The following EVX2 variants were observed in gnomAD, a reference collection of about 807,000 sequenced individuals.
The protein encoded by EVX2 is even-skipped homeobox 2.
Under a neutral mutation model 19.2 loss-of-function variants are expected in EVX2, and 10 were observed. The ratio of observed to expected loss-of-function variants is 0.52; its 90% confidence interval spans 0.32 to 0.89. The LOEUF (loss-of-function observed/expected upper bound fraction) is 0.89. EVX2 is among the 40% of genes least tolerant of loss of function. The pLI is 0.03. For missense variants in EVX2, 710 were observed against 694.9 expected, an observed-to-expected ratio of 1.02 and a Z score of -0.24; for synonymous variants, 354 against 328.4, an observed-to-expected ratio of 1.08 and a Z score of -0.84.
At position 176,082,814 on chromosome 2, in the gene EVX2, T is replaced by A. The variant is rs1274369496; in HGVS notation, c.428-365A>T. 2.0e-5 allele frequency among the ~76,000 whole-genome samples: 3 copies of A among 152,182 alleles called. No homozygotes were observed. Among genetic ancestry groups the A allele is most frequent in the African/African-American group, 7.2e-5 (3 of 41,452 alleles). On this transcript the variant is annotated intron_variant, in intron 1 of 2. Coordinates refer to ENST00000308618, the MANE Select transcript of EVX2 (RefSeq NM_001080458.2). This position sits in a 1 kb window ranked among gnomAD's most constrained non-coding sequence, Gnocchi z 5.2. The stretch of plus-strand genomic sequence containing the variant: ...ACGGCCTCTAACCTTTATCTGAGTC[T>A]TCGGGGTTTCAAATATTTTAAGAGT...
chr2:176,080,031 G>C lies in EVX2; in HGVS notation c.*76C>G, dbSNP rs1689106007. Reference sequence around the variant, plus strand: ...GCGGCAGCAGCGGGCAACGCGCGGAGGGCTCAGGGGGCGCACAGGGGACTC... The same window carrying C: ...GCGGCAGCAGCGGGCAACGCGCGGACGGCTCAGGGGGCGCACAGGGGACTC... On this transcript the variant is annotated 3_prime_UTR_variant, in exon 3 of 3. Coordinates refer to ENST00000308618, the MANE Select transcript of EVX2 (RefSeq NM_001080458.2). The surrounding 1 kb of genome is among the most constrained non-coding windows in gnomAD (Gnocchi z 7.0). The C allele has an allele frequency of 3.0e-6, 4 of 1,343,598 alleles. No homozygotes were observed. The East Asian group carries it at 1.2e-4, about 39-fold the overall frequency. The allele number at this position is 1,343,598 out of a possible 1,614,324, so 83.2% of individuals were successfully genotyped here. A position where few individuals can be genotyped will look rare whatever the true frequency, so the allele number is the denominator to read the frequency against.
In EVX2 at chr2:176,082,249, C is replaced by G; in HGVS notation, c.628G>C (p.Glu210Gln). 1 of 1,603,858 alleles carries G rather than the reference C, an allele frequency of 6.2e-7. No individual in the cohort carries two copies. Among genetic ancestry groups the G allele is most frequent in the Non-Finnish European group, 8.5e-7 (1 of 1,179,086 alleles). ...IARLEKEFYR[E>Q]NYVSRPRRCE... ...CGGCGGGGCCGCGACACATAGTTCT[C>G]CCGGTAGAACTCCTTCTCCAGGCGC... is the stretch of plus-strand genomic sequence containing the variant. Residue 210 changes from glutamate (E) to glutamine (Q), a missense_variant, in exon 2 of 3, where the codon GAG becomes CAG. By Grantham distance (29) the Glu-to-Gln change is conservative (BLOSUM62 2). Coordinates refer to ENST00000308618, the MANE Select transcript of EVX2 (RefSeq NM_001080458.2). This position sits in a 1 kb window ranked among gnomAD's most constrained non-coding sequence, Gnocchi z 5.2.
At position 176,082,379 on chromosome 2, in the gene EVX2, A is replaced by T. The variant is rs779459946; in HGVS notation, c.498T>A (p.His166Gln). The T allele has an allele frequency of 2.2e-5, 35 of 1,603,548 alleles. No individual in the cohort carries two copies. The highest frequency in any genetic ancestry group is 2.6e-5 in the Non-Finnish European group (31 of 1,178,052). The change falls in exon 2 of 3, where the codon CAT (histidine) becomes CAA (glutamine). Residue 166 changes from histidine to glutamine, a missense_variant. Coordinates refer to ENST00000308618, the MANE Select transcript of EVX2 (RefSeq NM_001080458.2). The surrounding 1 kb of genome is among the most constrained non-coding windows in gnomAD (Gnocchi z 5.2). ...TCCCGCCGCTGCCTCCGCTGCCTCC[A>T]TGCAGGCTTCCGAGGCCTGAGCCCG... ...SASGSGLGSLHGGSGGSGGSA... is the reference protein window; with the variant it reads ...SASGSGLGSLQGGSGGSGGSA...
Position 176,082,224 on chromosome 2 carries a change from C to A in EVX2, c.653G>T (p.Arg218Leu). The A allele has an allele frequency of 6.3e-7, 1 of 1,599,408 alleles. No homozygotes were observed. The highest frequency in any genetic ancestry group is 8.5e-7 in the Non-Finnish European group (1 of 1,175,842). ...YRENYVSRPRRCELAAALNLP... is the reference protein window; with the variant it reads ...YRENYVSRPRLCELAAALNLP... ...GTTGAGTGCCGCGGCCAGCTCGCAC[C>A]GGCGGGGCCGCGACACATAGTTCTC... Residue 218 changes from arginine to leucine, a missense_variant, in exon 2 of 3, where the codon CGG (arginine) becomes CTG (leucine). By Grantham distance (102) the Arg-to-Leu change is moderately radical (BLOSUM62 -2). Transcript: ENST00000308618. This position sits in a 1 kb window ranked among gnomAD's most constrained non-coding sequence, Gnocchi z 5.2.
chr2:176,083,239 G>C lies in EVX2; in HGVS notation c.427+111C>G. 8.7e-7 allele frequency: 1 copy of C among 1,148,484 alleles called. No homozygotes were observed. The highest frequency in any genetic ancestry group is 1.2e-6 in the Non-Finnish European group (1 of 816,914). 71.1% of individuals were successfully genotyped at this position (1,148,484 alleles called of 1,614,324 possible). On this transcript the variant is annotated intron_variant, in intron 1 of 2. Coordinates refer to ENST00000308618, the MANE Select transcript of EVX2 (RefSeq NM_001080458.2). The surrounding 1 kb of genome is among the most constrained non-coding windows in gnomAD (Gnocchi z 4.4). ...CCCCCGCCCGTGCTAGCTCGGTGTA[G>C]CTTGCCTGTGGAGGGTCTGAGAGGG...
Position 176,083,773 on chromosome 2 carries a change from T to C in EVX2, c.4A>G (p.Met2Val). M[M>V]ERIRKEMILM... ...ATCATCTCTTTTCTTATTCTTTCCA[T>C]CATCTCAGCTTTCTTAAAAATGTCA... Residue 2 changes from methionine to valine, a missense_variant, in exon 1 of 3, where the codon ATG (methionine) becomes GTG (valine). By Grantham distance (21) the Met-to-Val change is conservative (BLOSUM62 1). Transcript: ENST00000308618. This position sits in a 1 kb window ranked among gnomAD's most constrained non-coding sequence, Gnocchi z 4.4. The C allele has an allele frequency of 6.2e-7, 1 of 1,607,594 alleles. No individual in the cohort carries two copies. Among genetic ancestry groups the C allele is most frequent in the Non-Finnish European group, 8.5e-7 (1 of 1,176,722 alleles).
Position 176,079,869 on chromosome 2 carries a change from C to G in EVX2, c.*238G>C, listed in dbSNP as rs1689103282. The stretch of plus-strand genomic sequence containing the variant: ...GGGAGCCAGAAAAGAGAGAGAAGGG[C>G]AGACGGCTGGGTGGCAAATACAAAA... On this transcript the variant is annotated 3_prime_UTR_variant, in exon 3 of 3. Transcript: ENST00000308618. This position sits in a 1 kb window ranked among gnomAD's most constrained non-coding sequence, Gnocchi z 4.4. The G allele has an allele frequency of 7.7e-6, 3 of 390,890 alleles. No individual in the cohort carries two copies. Among genetic ancestry groups the G allele is most frequent in the Admixed American group, 4.7e-5 (1 of 21,108 alleles). 24.2% of individuals were successfully genotyped at this position (390,890 alleles called of 1,614,324 possible).
Position 176,083,387 on chromosome 2 carries a change from G to C in EVX2, c.390C>G (p.Gly130=), listed in dbSNP as rs927376477. Residue 130 remains glycine (G), a synonymous_variant, in exon 1 of 3, where the codon GGC becomes GGG. Coordinates refer to ENST00000308618, the MANE Select transcript of EVX2 (RefSeq NM_001080458.2). This position sits in a 1 kb window ranked among gnomAD's most constrained non-coding sequence, Gnocchi z 4.4. ...TTTCCTTAAGCTGAGCGGCGCCGAG[G>C]CCCCCGGGGGAGCGAAGCGCGGAGC... ...VGCSALRSPG[G]LGAAQLKENN... The C allele has an allele frequency of 6.2e-7, 1 of 1,609,904 alleles. No individual in the cohort carries two copies.
In EVX2 at chr2:176,083,591, C is replaced by A. The variant is rs562116152; in HGVS notation, c.186G>T (p.Leu62=). ...RLPSAPLHSA[L]GELPAKGKFE... is the part of the protein sequence containing the mutation. Reference sequence around the variant, plus strand: ...ATTTGCCCTTGGCGGGGAGTTCTCCCAGAGCGCTGTGCAGGGGGGCAGACG... The same window carrying A: ...ATTTGCCCTTGGCGGGGAGTTCTCCAAGAGCGCTGTGCAGGGGGGCAGACG... Residue 62 remains leucine (L), a synonymous_variant, in exon 1 of 3, where the codon CTG becomes CTT. Transcript: ENST00000308618. This position sits in a 1 kb window ranked among gnomAD's most constrained non-coding sequence, Gnocchi z 4.4. The A allele has an allele frequency of 6.3e-5, 102 of 1,614,192 alleles. No individual in the cohort carries two copies. In the South Asian group the frequency reaches 7.6e-4, roughly 12 times the overall value.
At position 176,080,422 on chromosome 2, in the gene EVX2, C is replaced by G. The variant is rs1446871570; in HGVS notation, c.1116G>C (p.Ser372=). The change falls in exon 3 of 3, where the codon TCG becomes TCC. Residue 372 remains serine, a synonymous_variant. Coordinates refer to ENST00000308618, the MANE Select transcript of EVX2 (RefSeq NM_001080458.2). The surrounding 1 kb of genome is among the most constrained non-coding windows in gnomAD (Gnocchi z 7.0). ...TGGGGGGCGCGCCGGCCGCCGCCGC[C>G]GAGGAGGCCGCAGCCGCTGCGGCTG... ...AAAAAAAAAS[S]AAAAGAPPSG... 3.7e-6 allele frequency: 4 copies of G among 1,087,040 alleles called. No individual in the cohort carries two copies. The highest frequency in any genetic ancestry group is 4.5e-6 in the Non-Finnish European group (4 of 897,278). The allele number at this position is 1,087,040 out of a possible 1,614,324, so 67.3% of individuals were successfully genotyped here.
In EVX2 at chr2:176,083,922, C is replaced by T. The variant is rs1689190046; in HGVS notation, c.-146G>A. On this transcript the variant is annotated 5_prime_UTR_variant, in exon 1 of 3. Transcript: ENST00000308618. The surrounding 1 kb of genome is among the most constrained non-coding windows in gnomAD (Gnocchi z 4.4). Reference sequence around the variant, plus strand: ...GGGAGGCGGAAAAATTGTGGGATGCCAGAGCGAGGGAATGACTGGTCAAAA... The same window carrying T: ...GGGAGGCGGAAAAATTGTGGGATGCTAGAGCGAGGGAATGACTGGTCAAAA... The T allele has an allele frequency of 1.5e-6, 1 of 688,190 alleles. No homozygotes were observed. Among genetic ancestry groups the T allele is most frequent in the Non-Finnish European group, 2.4e-6 (1 of 413,858 alleles). The allele number at this position is 688,190 out of a possible 1,614,324, so 42.6% of individuals were successfully genotyped here.
rs1036835133 is a variant in EVX2 at position 176,077,525 on chromosome 2, T to C, written c.*2582A>G. 2.0e-5 allele frequency: 3 copies of C among 152,216 alleles called. No individual in the cohort carries two copies. Among genetic ancestry groups the C allele is most frequent in the Admixed American group, 6.5e-5 (1 of 15,286 alleles). 9.4% of individuals were successfully genotyped at this position (152,216 alleles called of 1,614,324 possible). On this transcript the variant is annotated 3_prime_UTR_variant, in exon 3 of 3. Transcript: ENST00000308618. ...ACCAAACACAATAAATAACGTAATA[T>C]ACAAGGCTTTATAATTATTGCACAT...
In EVX2 at chr2:176,080,257, CCCGCCGCCGCCGCCACCACCACCA is replaced by C. The variant is rs751581937; in HGVS notation, c.1257_1280del (p.Gly421_Gly428del). 4.2e-5 allele frequency: 55 copies of C among 1,316,662 alleles called. No individual in the cohort carries two copies. The Admixed American group carries it at 1.3e-3, about 31-fold the overall frequency. 81.6% of individuals were successfully genotyped at this position (1,316,662 alleles called of 1,614,324 possible). A position where few individuals can be genotyped will look rare whatever the true frequency, so the allele number is the denominator to read the frequency against. On this transcript the variant is annotated inframe_deletion, in exon 3 of 3. Transcript: ENST00000308618. This position sits in a 1 kb window ranked among gnomAD's most constrained non-coding sequence, Gnocchi z 7.0. Reference sequence around the variant, plus strand: ...CCGAGCCTCCCCCGGCCCCGGCGCCCCCGCCGCCGCCGCCACCACCACCACCGCCGCCGCCACCGCCACCCCGGG... The same window carrying C: ...CCGAGCCTCCCCCGGCCCCGGCGCCCCCGCCGCCGCCACCGCCACCCCGGG...
rs1381530165 is a variant in EVX2 at position 176,083,429 on chromosome 2, G to A, written c.348C>T (p.Ser116=). 1 of 1,613,922 alleles carries A rather than the reference G, an allele frequency of 6.2e-7. No homozygotes were observed. The change falls in exon 1 of 3, where the codon AGC becomes AGT. Residue 116 remains serine, a synonymous_variant. Transcript: ENST00000308618. This position sits in a 1 kb window ranked among gnomAD's most constrained non-coding sequence, Gnocchi z 4.4. ...SEAAAEADMS[S]DVEVGCSALR... ...GCGCGGAGCAGCCCACCTCCACGTC[G>A]CTGCTCATGTCGGCCTCAGCGGCCG...
Position 176,082,179 on chromosome 2 carries a change from T to C in EVX2, c.698A>G (p.Lys233Arg), listed in dbSNP as rs960026844. 6.3e-7 allele frequency: 1 copy of C among 1,582,844 alleles called. No individual in the cohort carries two copies. Among genetic ancestry groups the C allele is most frequent in the Non-Finnish European group, 8.6e-7 (1 of 1,165,168 alleles). The change falls in exon 2 of 3, where the codon AAG becomes AGG. Residue 233 changes from lysine (K) to arginine (R), a missense_variant and splice_region_variant. Transcript: ENST00000308618. The surrounding 1 kb of genome is among the most constrained non-coding windows in gnomAD (Gnocchi z 5.2). The stretch of plus-strand genomic sequence containing the variant: ...GCAGGCATGCACTGGAATTGATACC[T>C]TGATGGTGGTTTCGGGCAGGTTGAG... ...AALNLPETTIKVWFQNRRMKD... is the reference protein window; with the variant it reads ...AALNLPETTIRVWFQNRRMKD...
Position 176,080,436 on chromosome 2 carries a change from C to T in EVX2, c.1102G>A (p.Ala368Thr). Residue 368 changes from alanine to threonine, a missense_variant, in exon 3 of 3, where the codon GCT becomes ACT. Transcript: ENST00000308618. The surrounding 1 kb of genome is among the most constrained non-coding windows in gnomAD (Gnocchi z 7.0). The stretch of plus-strand genomic sequence containing the variant: ...GCCGCCGCCGCCGAGGAGGCCGCAG[C>T]CGCTGCGGCTGCCGCGGCTGCCGCG... ...SAAAAAAAAA[A>T]AASSAAAAGA... 2 of 1,126,758 alleles carry T rather than the reference C, an allele frequency of 1.8e-6. No homozygotes were observed. 69.8% of individuals were successfully genotyped at this position (1,126,758 alleles called of 1,614,324 possible). A position where few individuals can be genotyped will look rare whatever the true frequency, so the allele number is the denominator to read the frequency against.
Position 176,083,747 on chromosome 2 carries a change from A to C in EVX2, c.30T>G (p.Ile10Met). The C allele has an allele frequency of 1.2e-6, 2 of 1,612,996 alleles. No individual in the cohort carries two copies. The highest frequency in any genetic ancestry group is 1.7e-6 in the Non-Finnish European group (2 of 1,179,746). MMERIRKEM[I>M]LMERGLHSPT... ...GGCTGTGCAGCCCTCTCTCCATCAGAATCATCTCTTTTCTTATTCTTTCCA... is the reference window on the plus strand; with the variant it reads ...GGCTGTGCAGCCCTCTCTCCATCAGCATCATCTCTTTTCTTATTCTTTCCA... The change falls in exon 1 of 3, where the codon ATT (isoleucine) becomes ATG (methionine). Residue 10 changes from isoleucine to methionine, a missense_variant. By Grantham distance (10) the Ile-to-Met change is conservative. Transcript: ENST00000308618. The surrounding 1 kb of genome is among the most constrained non-coding windows in gnomAD (Gnocchi z 4.4).
Position 176,080,791 on chromosome 2 carries a change from G to A in EVX2, c.747C>T (p.Ala249=), listed in dbSNP as rs1689137317. ...RRMKDKRQRL[A]MSWPHPADPS... is the part of the protein sequence containing the mutation. ...GGTCGGCTGGGTGCGGCCAGGACAT[G>A]GCCAGGCGCTGCCGCTTGTCCTTCA... The change falls in exon 3 of 3, where the codon GCC becomes GCT. Residue 249 remains alanine, a synonymous_variant. Coordinates refer to ENST00000308618, the MANE Select transcript of EVX2 (RefSeq NM_001080458.2). This position sits in a 1 kb window ranked among gnomAD's most constrained non-coding sequence, Gnocchi z 7.0. 6.2e-7 allele frequency: 1 copy of A among 1,612,266 alleles called. No homozygotes were observed. Among genetic ancestry groups the A allele is most frequent in the Non-Finnish European group, 8.5e-7 (1 of 1,179,782 alleles).
Position 176,078,359 on chromosome 2 carries a change from C to T in EVX2, c.*1748G>A, listed in dbSNP as rs56737494. 1 of 152,146 alleles carries T rather than the reference C, an allele frequency of 6.6e-6. No homozygotes were observed. Among genetic ancestry groups the T allele is most frequent in the African/African-American group, 2.4e-5 (1 of 41,414 alleles). The allele number at this position is 152,146 out of a possible 1,614,324, so 9.4% of individuals were successfully genotyped here. ...GGTAGCCTACCTACATTTTAATACA[C>T]GTACACACACATACCCACTTCGCTG... On this transcript the variant is annotated 3_prime_UTR_variant, in exon 3 of 3. Coordinates refer to ENST00000308618, the MANE Select transcript of EVX2 (RefSeq NM_001080458.2).
Sources: allele counts gnomAD v4.1 joint callset (sites outside exome capture counted in the v4.1 genomes callset), GRCh38; gene constraint gnomAD v4.1.1; non-coding constraint Gnocchi (gnomAD v3.1); transcripts MANE v1.5; gene names NCBI Gene and HGNC (gene_info 2026-07-23, HGNC 2026-07-21).